RNF6: variants seen among roughly 807,000 people sequenced by gnomAD.
RNF6 encodes the protein E3 ubiquitin-protein ligase RNF6.
A neutral mutation model predicts 50.1 loss-of-function variants in RNF6; 21 were observed. The observed-to-expected ratio is 0.42, with a 90% CI of 0.30 to 0.60. The LOEUF (loss-of-function observed/expected upper bound fraction) is 0.60, where lower values mean the gene tolerates loss of function less well. Among genes scored for constraint, RNF6 ranks in the 20% least tolerant of loss-of-function variants. The probability of loss-of-function intolerance (pLI) is 0.20; values close to 1 mark genes in which losing one functional copy is unlikely to be tolerated. For synonymous variants in RNF6, 255 were observed against 291.8 expected (o/e 0.87, Z 1.29); for missense variants, 698 against 838.2 (o/e 0.83, Z 2.07).
intron 5 of RNF6, among the ~76,000 whole-genome samples, chr13:26,189,159 T>C (rs1452916197): frequency 1.3e-5 from 2 of 151,962 alleles, no homozygotes; most frequent in Non-Finnish European, 2.9e-5. Flanking sequence ...TGAAACTATG[T>C]CTCTACTAAA....
chr13:26,217,486 A>T (rs534425975), intron 4 of RNF6, among the ~76,000 whole-genome samples: 4 of 152,348 alleles, frequency 2.6e-5, no homozygotes, highest in African/African-American at 9.6e-5. Flanking sequence ...AGTTCTCATG[A>T]ATGGAATGGG....
intron 5 of RNF6, among the ~76,000 whole-genome samples, chr13:26,204,496 CAAAAAAAAAA>C (rs71080239): frequency 1.4e-5 from 1 of 68,966 alleles, no homozygotes; most frequent in Non-Finnish European, 2.9e-5. Flanking sequence ...GACTCCACCT[CAAAAAAAAAA>C]AAAAAAAAAG....
Position 26,167,888 on chromosome 13 carries a change from C to T in RNF6, n.769-35437G>A, listed in dbSNP as rs189861619. On this transcript the variant is annotated intron_variant and non_coding_transcript_variant, in intron 5 of 5. Transcript: ENST00000468480. ...CCATAAAAAAGAATAAGATCATATC[C>T]TTTGCAAGAACATGGATGGAACTGA... is the stretch of plus-strand genomic sequence containing the variant. Among the ~76,000 whole-genome samples the T allele has an allele frequency of 1.7e-4, 26 of 152,266 alleles. No homozygotes were observed. In the East Asian group the frequency reaches 5.0e-3, roughly 29 times the overall value.
chr13:26,136,043 T>A (rs1260730581), intron 5 of RNF6, among the ~76,000 whole-genome samples: 1 of 152,192 alleles, frequency 6.6e-6, no homozygotes, highest in Non-Finnish European at 1.5e-5. Flanking sequence ...CTTTTCTTTA[T>A]AAATTACCTA....
At chr13:26,182,100 C>A (rs145047810) in intron 5 of RNF6, among the ~76,000 whole-genome samples, 2 of 152,304 alleles carry the variant, frequency 1.3e-5, no homozygotes, top group African/African-American at 4.8e-5. Flanking sequence ...AAACACGTAT[C>A]TCCAGAAGTT....
intron 5 of RNF6, among the ~76,000 whole-genome samples, chr13:26,164,144 T>C (rs572228077): frequency 1.3e-5 from 2 of 152,182 alleles, no homozygotes; most frequent in Non-Finnish European, 2.9e-5. Flanking sequence ...TATCAGCTAA[T>C]TAAGTATGGG....
rs749246409 is a variant in RNF6, at chr13:26,213,502, AAAG to A, written c.*319_*321del. ...CTAAAGTCTGCTGTACTATTAAGAA[AAAG>A]AAGATTGATTCTTAACCTACTGAAT... On this transcript the variant is annotated 3_prime_UTR_variant, in exon 5 of 5. Transcript: ENST00000381588. 9 of 184,328 alleles carry A rather than the reference AAAG, an allele frequency of 4.9e-5. No individual in the cohort carries two copies. The highest frequency in any genetic ancestry group is 6.7e-5 in the Non-Finnish European group (6 of 89,486). The allele number at this position is 184,328 out of a possible 1,614,324, so 11.4% of individuals were successfully genotyped here.
chr13:26,208,041 A>T (rs1459227337), downstream of RNF6, among the ~76,000 whole-genome samples: 1 of 152,220 alleles, frequency 6.6e-6, no homozygotes, highest in Non-Finnish European at 1.5e-5. Context: ...TAAGGCAATC[A>T]CAAATGTGGT....
chr13:26,188,510 G>A (rs1006836323), intron 5 of RNF6, among the ~76,000 whole-genome samples: 5 of 151,464 alleles, frequency 3.3e-5, no homozygotes, highest in Middle Eastern at 3.4e-3. Flanking sequence ...TCCAGTCACT[G>A]CATAAGCCAG....
chr13:26,190,736 G>T (rs1868422277), intron 5 of RNF6, among the ~76,000 whole-genome samples: 1 of 152,176 alleles, frequency 6.6e-6, no homozygotes, highest in Admixed American at 6.5e-5. Flanking sequence ...ATATGTGGGT[G>T]CTATTCTAGG....
chr13:26,189,066 C>A (rs531267850), intron 5 of RNF6, among the ~76,000 whole-genome samples: 25 of 152,122 alleles, frequency 1.6e-4, no homozygotes, highest in African/African-American at 6.0e-4. Flanking sequence ...TGGTGGCTAA[C>A]GCCCGTAATC....
chr13:26,208,064 G>A (rs983176030), downstream of RNF6, among the ~76,000 whole-genome samples: 40 of 152,214 alleles, frequency 2.6e-4, no homozygotes, highest in African/African-American at 8.4e-4. Flanking sequence ...TAGAATTTAG[G>A]AGAATGTGCT....
In RNF6 at chr13:26,162,765, G is replaced by A. The variant is rs372895703; in HGVS notation, n.769-30314C>T. 9.9e-5 allele frequency among the ~76,000 whole-genome samples: 15 copies of A among 152,270 alleles called. No individual in the cohort carries two copies. The East Asian group carries it at 1.9e-3, about 20-fold the overall frequency. Reference sequence around the variant, plus strand: ...TAGGATTAAAAACCATTGAAGTTATGATATAATTTAGCTAATATACTTTTA... The same window carrying A: ...TAGGATTAAAAACCATTGAAGTTATAATATAATTTAGCTAATATACTTTTA... On this transcript the variant is annotated intron_variant and non_coding_transcript_variant, in intron 5 of 5. Transcript: ENST00000468480.
At chr13:26,219,307 A>G (rs1345765935) in intron 3 of RNF6, 150 bp downstream of exon 3, 19 of 629,634 alleles carry the variant, frequency 3.0e-5, no homozygotes, top group African/African-American at 1.5e-4. Context: ...TTTCTACTTT[A>G]TTATACTAAA....
chr13:26,155,661 G>C (rs1405269791), intron 5 of RNF6, among the ~76,000 whole-genome samples: 1 of 152,212 alleles, frequency 6.6e-6, no homozygotes, highest in Non-Finnish European at 1.5e-5. Flanking sequence ...TAGGTCTGAA[G>C]GGATGCCATC....
intron 5 of RNF6, among the ~76,000 whole-genome samples, chr13:26,192,142 T>C (rs890014735): frequency 6.6e-6 from 1 of 152,226 alleles, no homozygotes; most frequent in African/African-American, 2.4e-5. Flanking sequence ...TTTGGCTTTT[T>C]CAAGTAAGAT....
chr13:26,199,151 G>T (rs1181932041), intron 5 of RNF6, among the ~76,000 whole-genome samples: 2 of 150,360 alleles, frequency 1.3e-5, no homozygotes. Context: ...AAAATGCAAA[G>T]GACCTAGGGC....
chr13:26,138,966 C>T (rs867629418), intron 5 of RNF6, among the ~76,000 whole-genome samples: 17 of 152,150 alleles, frequency 1.1e-4, no homozygotes, highest in African/African-American at 3.1e-4. Flanking sequence ...TCTTTGTAAG[C>T]GCCTTGATTA....
At chr13:26,135,819 T>G (rs1467969921) in intron 5 of RNF6, among the ~76,000 whole-genome samples, 2 of 152,080 alleles carry the variant, frequency 1.3e-5, no homozygotes, top group Non-Finnish European at 2.9e-5. Context: ...TAGTGATGAG[T>G]GAGTTTTCAC....
Sources: gnomAD v4.1 joint callset for allele counts (sites outside exome capture counted in the v4.1 genomes callset) on GRCh38, gnomAD v4.1.1 for gene constraint, MANE v1.5 for transcripts, NCBI Gene and HGNC (gene_info 2026-07-23, HGNC 2026-07-21) for gene names.